Variants in HS3ST5 observed in about 807,000 individuals in gnomAD.
HS3ST5 encodes heparan sulfate-glucosamine 3-sulfotransferase 5, also known as heparan sulfate glucosamine 3-O-sulfotransferase 5.
HS3ST5 carries 10 observed loss-of-function variants against 25.4 expected under a neutral mutation model. The observed-to-expected ratio is 0.39, with a 90% CI of 0.24 to 0.67. The LOEUF (loss-of-function observed/expected upper bound fraction) is 0.67, where lower values mean the gene tolerates loss of function less well. Ranked by LOEUF, HS3ST5 falls within the 30% of genes least tolerant of loss-of-function variation. The pLI is 0.44. For synonymous variants in HS3ST5, 170 were observed against 162.4 expected (o/e 1.05, Z -0.36); for missense variants, 324 against 420.7 (o/e 0.77, Z 2.01).
chr6:114,210,770 G>C (rs1781482181), intron 2 of HS3ST5, among the ~76,000 whole-genome samples: 1 of 152,208 alleles, frequency 6.6e-6, no homozygotes. Context: ...CTACTTGCCA[G>C]ACATCTTGGT....
At chr6:114,338,526 A>G (rs1345016404) in intron 1 of HS3ST5, among the ~76,000 whole-genome samples, 3 of 151,992 alleles carry the variant, frequency 2.0e-5, no homozygotes, top group African/African-American at 7.2e-5. Context: ...AAGACACCAT[A>G]ATGGAACTTC....
intron 2 of HS3ST5, among the ~76,000 whole-genome samples, chr6:114,194,163 T>C (rs1358639627): frequency 6.6e-6 from 1 of 152,206 alleles, no homozygotes; most frequent in African/African-American, 2.4e-5. Context: ...TAATTTCAAC[T>C]GATTTGAACA....
At chr6:114,265,937 T>A (rs948312568) in intron 1 of HS3ST5, among the ~76,000 whole-genome samples, 1 of 152,190 alleles carries the variant, frequency 6.6e-6, no homozygotes, top group African/African-American at 2.4e-5. Flanking sequence ...TTTGGACTTA[T>A]GAATAAACTC....
chr6:114,228,765 G>A lies in HS3ST5; in HGVS notation c.-325C>T, dbSNP rs1046518491. ...AAGACACCAATGCTGAAGACAGTGA[G>A]TATCTGATTATCTCTAAACAGAACA... is the stretch of plus-strand genomic sequence containing the variant. On this transcript the variant is annotated 5_prime_UTR_variant, in exon 2 of 5. Coordinates refer to ENST00000312719, the MANE Select transcript of HS3ST5 (RefSeq NM_153612.4). 2.0e-5 allele frequency: 3 copies of A among 152,188 alleles called. No individual in the cohort carries two copies. The highest frequency in any genetic ancestry group is 7.2e-5 in the African/African-American group (3 of 41,456). 9.4% of individuals were successfully genotyped at this position (152,188 alleles called of 1,614,324 possible).
intron 3 of HS3ST5, among the ~76,000 whole-genome samples, chr6:114,157,992 C>A (rs1004954661): frequency 6.6e-6 from 1 of 152,186 alleles, no homozygotes; most frequent in Non-Finnish European, 1.5e-5. Context: ...CTGATTAACT[C>A]CTTTGCATCC....
At chr6:114,160,066 A>G (rs1008578932) in intron 3 of HS3ST5, among the ~76,000 whole-genome samples, 2 of 152,176 alleles carry the variant, frequency 1.3e-5, no homozygotes, top group South Asian at 2.1e-4. Context: ...AAACTGTAGG[A>G]ATAAAAATAA....
intron 1 of HS3ST5, among the ~76,000 whole-genome samples, chr6:114,255,918 G>A (rs555473216): frequency 3.9e-5 from 6 of 152,132 alleles, no homozygotes; most frequent in Non-Finnish European, 8.8e-5. Context: ...TTTCCCCATT[G>A]TCTTGGTGAT....
chr6:114,292,656 T>G (rs1326404114), intron 1 of HS3ST5, among the ~76,000 whole-genome samples: 1 of 152,192 alleles, frequency 6.6e-6, no homozygotes, highest in Non-Finnish European at 1.5e-5. Context: ...AAGATAGCCC[T>G]TCCCTCAAGT....
chr6:114,201,980 C>T (rs1292026199), intron 2 of HS3ST5, among the ~76,000 whole-genome samples: 1 of 152,016 alleles, frequency 6.6e-6, no homozygotes, highest in Non-Finnish European at 1.5e-5. Flanking sequence ...GATTCAATTA[C>T]CTCCCACCGG....
intron 3 of HS3ST5, among the ~76,000 whole-genome samples, chr6:114,136,656 A>G (rs186149695): frequency 6.9e-4 from 105 of 152,322 alleles, no homozygotes; most frequent in African/African-American, 2.5e-3. Context: ...GGCTACTTTA[A>G]TGTGCTGCTC....
In HS3ST5 at chr6:114,091,816, A is replaced by T. The variant is rs192457180; in HGVS notation, c.-32-28939T>A. ...ATTACCTGTGTTTCTTCCTATGATG[A>T]TTTTTTTATTTTTCTCACACTGGGG... On this transcript the variant is annotated intron_variant, in intron 3 of 4. Coordinates refer to ENST00000312719, the MANE Select transcript of HS3ST5 (RefSeq NM_153612.4). Among the ~76,000 whole-genome samples, 154 of 152,190 alleles carry T rather than the reference A, an allele frequency of 1.0e-3. 3 individuals are homozygous for T. Among genetic ancestry groups the T allele is most frequent in the Non-Finnish European group, 4.0e-4 (27 of 68,002 alleles).
At chr6:114,142,595 A>T (rs1413858477) in intron 3 of HS3ST5, among the ~76,000 whole-genome samples, 1 of 152,226 alleles carries the variant, frequency 6.6e-6, no homozygotes, top group Admixed American at 6.5e-5. Context: ...GAATAATTAT[A>T]TAATCAATAG....
At chr6:114,112,032 C>T (rs945478376) in intron 3 of HS3ST5, among the ~76,000 whole-genome samples, 9 of 152,132 alleles carry the variant, frequency 5.9e-5, no homozygotes, top group African/African-American at 2.2e-4. Context: ...CATGGTTCCG[C>T]TGTATAATTA....
chr6:114,331,834 A>G (rs919584020), intron 1 of HS3ST5, among the ~76,000 whole-genome samples: 1 of 152,042 alleles, frequency 6.6e-6, no homozygotes, highest in Non-Finnish European at 1.5e-5. Flanking sequence ...TAAGTTTTCC[A>G]TTTTGGTCAT....
intron 3 of HS3ST5, among the ~76,000 whole-genome samples, chr6:114,167,255 T>G (rs992633980): frequency 6.6e-6 from 1 of 152,184 alleles, no homozygotes; most frequent in Non-Finnish European, 1.5e-5. Flanking sequence ...ACCAGAAACT[T>G]TAGTTCTGAT....
At chr6:114,167,452 CACA>C (rs747332198) in intron 3 of HS3ST5, 2 of 152,286 alleles carry the variant, frequency 1.3e-5, no homozygotes, top group African/African-American at 2.4e-5. Flanking sequence ...CTCATTTAAT[CACA>C]ACAACTCAAT....
chr6:114,236,871 A>C (rs1318858805), intron 1 of HS3ST5, among the ~76,000 whole-genome samples: 1 of 152,244 alleles, frequency 6.6e-6, no homozygotes, highest in African/African-American at 2.4e-5. Flanking sequence ...AATAGATATA[A>C]ACATACAGAA....
intron 2 of HS3ST5, among the ~76,000 whole-genome samples, chr6:114,224,562 C>T (rs1381700652): frequency 6.6e-6 from 1 of 151,202 alleles, no homozygotes; most frequent in Non-Finnish European, 1.5e-5. Context: ...TCCTTTATAT[C>T]TTTTTTTGTA....
At chr6:114,272,822 A>G (rs1207938880) in intron 1 of HS3ST5, among the ~76,000 whole-genome samples, 2 of 152,148 alleles carry the variant, frequency 1.3e-5, no homozygotes. Flanking sequence ...GCCAGGCATC[A>G]GCCGGTGCAA....
Sources: gnomAD v4.1 joint callset for allele counts (sites outside exome capture counted in the v4.1 genomes callset) on GRCh38, gnomAD v4.1.1 for gene constraint, MANE v1.5 for transcripts, NCBI Gene and HGNC (gene_info 2026-07-23, HGNC 2026-07-21) for gene names.